PRIM2: variants seen among roughly 807,000 people sequenced by gnomAD.
The protein encoded by PRIM2 is DNA primase large subunit.
A neutral mutation model predicts 67.3 loss-of-function variants in PRIM2; 39 were observed. That is an observed-to-expected ratio of 0.58 (90% CI 0.45 to 0.76). PRIM2 has a LOEUF of 0.76. Ranked by LOEUF, PRIM2 falls within the 30% of genes least tolerant of loss-of-function variation. PRIM2 has a pLI of 0.00. For missense variants in PRIM2, 398 were observed against 598.7 expected (o/e 0.66, Z 3.50); for synonymous variants, 143 against 198.7 (o/e 0.72, Z 2.36).
At chr6:57,539,431 A>G (rs1374137688) in intron 10 of PRIM2, among the ~76,000 whole-genome samples, 12 of 152,286 alleles carry the variant, frequency 7.9e-5, no homozygotes, top group African/African-American at 2.6e-4. Flanking sequence ...TAATTTGTTT[A>G]ATCATTCTCC....
intron 11 of PRIM2, among the ~76,000 whole-genome samples, chr6:57,604,123 A>G (rs1456458911): frequency 2.6e-5 from 4 of 152,176 alleles, no homozygotes; most frequent in African/African-American, 7.2e-5. Flanking sequence ...CCTGGCCAAC[A>G]TGGTGAAACC....
chr6:57,334,784 C>T (rs781575482), intron 5 of PRIM2, among the ~76,000 whole-genome samples: 17 of 152,118 alleles, frequency 1.1e-4, no homozygotes, highest in Non-Finnish European at 2.5e-4. Context: ...ACGGAGGATA[C>T]AGAAGCAGCA....
At chr6:57,411,864 T>G (rs1201444076) in intron 7 of PRIM2, among the ~76,000 whole-genome samples, 1 of 151,744 alleles carries the variant, frequency 6.6e-6, no homozygotes, top group Non-Finnish European at 1.5e-5. Context: ...AGTATGCAAT[T>G]TATATAGCAG....
intron 5 of PRIM2, among the ~76,000 whole-genome samples, chr6:57,335,133 C>T (rs992392919): frequency 1.3e-4 from 20 of 152,198 alleles, no homozygotes; most frequent in African/African-American, 3.9e-4. Flanking sequence ...CACTCCCACC[C>T]GAATACTGTG....
At chr6:57,323,081 G>GT (rs1562692572) in intron 3 of PRIM2, among the ~76,000 whole-genome samples, 52 of 143,702 alleles carry the variant, frequency 3.6e-4, no homozygotes, top group African/African-American at 1.3e-3. Context: ...TCCCTCATAG[G>GT]GTTTTTTTTT....
Position 57,487,663 on chromosome 6 carries a change from AT to A in PRIM2, c.694-19715del, listed in dbSNP as rs1168625347. On this transcript the variant is annotated intron_variant, in intron 7 of 13. Coordinates refer to ENST00000615550, the MANE Select transcript of PRIM2 (RefSeq NM_000947.5). ...AAACCATATGGCAATAAATAATTTG[AT>A]TTTTTTTTAAAGAAGCAAATTGAAC... Among the ~76,000 whole-genome samples, 189 of 152,040 alleles carry A rather than the reference AT, an allele frequency of 1.2e-3. 1 individual carries two copies. Among genetic ancestry groups the A allele is most frequent in the Admixed American group, 3.6e-3 (55 of 15,264 alleles).
At chr6:57,635,567 C>T (rs1454466632) in intron 13 of PRIM2, among the ~76,000 whole-genome samples, 1 of 152,296 alleles carries the variant, frequency 6.6e-6, no homozygotes, top group Admixed American at 6.5e-5. Context: ...TCTTTGGACA[C>T]TGAGTAACTG....
intron 10 of PRIM2, among the ~76,000 whole-genome samples, chr6:57,561,307 C>T (rs1253561122): frequency 6.6e-6 from 1 of 152,230 alleles, no homozygotes; most frequent in African/African-American, 2.4e-5. Flanking sequence ...TCTGGGCTCA[C>T]TGGAACCTCT....
chr6:57,340,034 A>T (rs1382174225), intron 5 of PRIM2, among the ~76,000 whole-genome samples: 1 of 152,146 alleles, frequency 6.6e-6, no homozygotes, highest in Non-Finnish European at 1.5e-5. Flanking sequence ...CCCCATCAAA[A>T]AGTGGGCAAA....
chr6:57,283,498 T>C, the PRIM2 span, among the ~76,000 whole-genome samples: 14 of 152,192 alleles, frequency 9.2e-5, no homozygotes. Flanking sequence ...TTATACCACA[T>C]ATATAGGTGG....
chr6:57,398,620 T>C (rs1426617629), intron 7 of PRIM2, among the ~76,000 whole-genome samples: 4 of 152,220 alleles, frequency 2.6e-5, no homozygotes, highest in Non-Finnish European at 5.9e-5. Flanking sequence ...ATGTATATTT[T>C]ATTGGTTTTG....
At chr6:57,546,175 A>G (rs1775287614) in intron 10 of PRIM2, among the ~76,000 whole-genome samples, 2 of 152,246 alleles carry the variant, frequency 1.3e-5, no homozygotes, top group African/African-American at 4.8e-5. Context: ...TAAAGTTTCC[A>G]CTTGGTTCAA....
At chr6:57,488,660 T>C (rs1773807631) in intron 7 of PRIM2, among the ~76,000 whole-genome samples, 1 of 152,326 alleles carries the variant, frequency 6.6e-6, no homozygotes, top group South Asian at 2.1e-4. Context: ...AGTCCCAGGA[T>C]GTCAGCCCAC....
At chr6:57,343,326 G>A in intron 5 of PRIM2, among the ~76,000 whole-genome samples, 1 of 152,088 alleles carries the variant, frequency 6.6e-6, no homozygotes, top group East Asian at 1.9e-4. Flanking sequence ...TGTAAAATAT[G>A]AACATCCCAT....
intron 7 of PRIM2, among the ~76,000 whole-genome samples, chr6:57,456,427 C>G (rs1392583644): frequency 6.6e-6 from 1 of 152,114 alleles, no homozygotes; most frequent in East Asian, 1.9e-4. Context: ...GTACACCAAT[C>G]ACACGTAGAT....
At chr6:57,357,663 G>A (rs1000592390) in intron 5 of PRIM2, among the ~76,000 whole-genome samples, 3 of 149,538 alleles carry the variant, frequency 2.0e-5, no homozygotes, top group Non-Finnish European at 4.4e-5. Context: ...GTGCGATCTC[G>A]GCTCACTGAA....
the PRIM2 span, among the ~76,000 whole-genome samples, chr6:57,232,122 A>G: frequency 1.3e-5 from 2 of 152,360 alleles, no homozygotes; most frequent in South Asian, 4.1e-4. Context: ...GGAAGATAGA[A>G]TGAATGCAAG....
At chr6:57,432,511 A>G (rs764795569) in intron 7 of PRIM2, among the ~76,000 whole-genome samples, 16 of 150,762 alleles carry the variant, frequency 1.1e-4, no homozygotes, top group Non-Finnish European at 7.4e-5. Flanking sequence ...TGCCTTGATT[A>G]TAGCCAATTA....
At position 57,587,494 on chromosome 6, in the gene PRIM2, C is replaced by A. The variant is rs1339468272; in HGVS notation, c.1021-13599C>A. On this transcript the variant is annotated intron_variant, in intron 10 of 13. Coordinates refer to ENST00000615550, the MANE Select transcript of PRIM2 (RefSeq NM_000947.5). ...CTTGGCTAACATGGTGAAACCCCATCTCTACTAAAAATACAAAAAATTAGC... is the reference window on the plus strand; with the variant it reads ...CTTGGCTAACATGGTGAAACCCCATATCTACTAAAAATACAAAAAATTAGC... Among the ~76,000 whole-genome samples, 51 of 151,904 alleles carry A rather than the reference C, an allele frequency of 3.4e-4. 2 individuals carry two copies. In the East Asian group the frequency reaches 9.7e-3, roughly 29 times the overall value.
Sources: gnomAD v4.1 joint callset for allele counts (sites outside exome capture counted in the v4.1 genomes callset) on GRCh38, gnomAD v4.1.1 for gene constraint, MANE v1.5 for transcripts, NCBI Gene and HGNC (gene_info 2026-07-23, HGNC 2026-07-21) for gene names.